The following ATXN7 variants were observed in gnomAD, a reference collection of about 807,000 sequenced individuals.
ATXN7 encodes ataxin-7.
ATXN7 carries 12 observed loss-of-function variants against 70.5 expected under a neutral mutation model. The ratio of observed to expected loss-of-function variants is 0.17; its 90% CI spans 0.11 to 0.28. The LOEUF is 0.28. ATXN7 is among the 10% of genes least tolerant of loss of function. The pLI, the probability that ATXN7 is intolerant of heterozygous loss-of-function variation, is 1.00. For missense variants in ATXN7, 1,256 were observed against 1,131.7 expected, an observed-to-expected ratio of 1.11 and a Z score of -1.58; for synonymous variants, 498 against 448.7, an observed-to-expected ratio of 1.11 and a Z score of -1.39.
chr3:63,990,598 C>A, intron 10 of ATXN7, 140 bp from the exon 11 acceptor site: 1 of 1,370,526 alleles, frequency 7.3e-7, no homozygotes, highest in Non-Finnish European at 1.0e-6. Context: ...TAGGCATTGT[C>A]ACTCTCATGC....
upstream of ATXN7, chr3:63,863,363 C>A: frequency 1.2e-6 from 1 of 848,144 alleles, no homozygotes; most frequent in Non-Finnish European, 1.4e-6. Flanking sequence ...GCACCACTGT[C>A]CACCCTTCGC....
chr3:63,940,485 T>C (rs183786571), intron 4 of ATXN7, among the ~76,000 whole-genome samples: 1 of 152,298 alleles, frequency 6.6e-6, no homozygotes, highest in East Asian at 1.9e-4. Flanking sequence ...CTGACAGATG[T>C]GGTGTTGCAA....
At chr3:63,900,438 C>T (rs1575865744) in intron 2 of ATXN7, 2 of 152,232 alleles carry the variant, frequency 1.3e-5, no homozygotes, top group South Asian at 4.1e-4. Flanking sequence ...GAAGTCTCCA[C>T]CTTAAAAACA....
chr3:63,869,056 A>G lies in ATXN7; in HGVS notation c.-111+4898A>G, dbSNP rs572518665. 2.0e-5 allele frequency among the ~76,000 whole-genome samples: 3 copies of G among 152,350 alleles called. No homozygotes were observed. In the East Asian group the frequency reaches 5.8e-4, roughly 29 times the overall value. ...AGAAAGTGTGAGATACGTAAATAAA[A>G]TACTGTATAATGCTTATGGCCATAA... is the stretch of plus-strand genomic sequence containing the variant. On this transcript the variant is annotated intron_variant, in intron 1 of 12. Coordinates refer to ENST00000674280, the MANE Select transcript of ATXN7 (RefSeq NM_001377405.1).
At chr3:63,940,194 C>T (rs1038540951) in intron 4 of ATXN7, among the ~76,000 whole-genome samples, 1 of 151,816 alleles carries the variant, frequency 6.6e-6, no homozygotes, top group African/African-American at 2.4e-5. Context: ...CTAATCTCAC[C>T]TCTTGCTAAC....
intron 5 of ATXN7, among the ~76,000 whole-genome samples, chr3:63,971,388 T>G (rs1411354661): frequency 1.3e-5 from 2 of 152,226 alleles, no homozygotes; most frequent in South Asian, 2.1e-4. Flanking sequence ...CTCTCTGGAA[T>G]AGTTTCATCA....
intron 1 of ATXN7, among the ~76,000 whole-genome samples, chr3:63,867,752 G>A (rs551656351): frequency 3.9e-5 from 6 of 152,062 alleles, no homozygotes; most frequent in South Asian, 4.1e-4. Flanking sequence ...TTATCTAGGC[G>A]TGGTGGTGTG....
At chr3:63,961,194 T>TA (rs927359691) in intron 5 of ATXN7, among the ~76,000 whole-genome samples, 3 of 151,948 alleles carry the variant, frequency 2.0e-5, no homozygotes, top group Non-Finnish European at 2.9e-5. Flanking sequence ...TCCCCTCACA[T>TA]AAAAAAAAGT....
At chr3:63,917,736 C>A (rs143291960) in intron 4 of ATXN7, among the ~76,000 whole-genome samples, 1 of 152,174 alleles carries the variant, frequency 6.6e-6, no homozygotes, top group African/African-American at 2.4e-5. Flanking sequence ...ATATTCAGCT[C>A]CTGCACACCA....
intron 11 of ATXN7, among the ~76,000 whole-genome samples, chr3:63,992,645 TA>T (rs1559661196): frequency 1.3e-5 from 2 of 152,202 alleles, no homozygotes; most frequent in African/African-American, 4.8e-5. Flanking sequence ...GTGAACTTTT[TA>T]AAAAGTAAGA....
intron 2 of ATXN7, among the ~76,000 whole-genome samples, chr3:63,899,666 T>TGCAGA (rs1233955481): frequency 3.9e-5 from 6 of 151,908 alleles, no homozygotes; most frequent in African/African-American, 4.8e-5. Flanking sequence ...CAGGCTGGAG[T>TGCAGA]GCAGTGGCGC....
At chr3:63,946,951 ATACC>A (rs1239936563) in intron 4 of ATXN7, among the ~76,000 whole-genome samples, 1 of 152,144 alleles carries the variant, frequency 6.6e-6, no homozygotes, top group African/African-American at 2.4e-5. Context: ...TAGAGGCCCC[ATACC>A]TTGACCTTGG....
At chr3:63,920,079 G>T (rs1195025551) in intron 4 of ATXN7, among the ~76,000 whole-genome samples, 1 of 152,068 alleles carries the variant, frequency 6.6e-6, no homozygotes, top group Non-Finnish European at 1.5e-5. Flanking sequence ...GATTGGAGAA[G>T]AAGGCAGACG....
At chr3:63,888,389 C>G (rs767821678) in intron 1 of ATXN7, among the ~76,000 whole-genome samples, 5 of 152,178 alleles carry the variant, frequency 3.3e-5, no homozygotes, top group Admixed American at 6.5e-5. Flanking sequence ...AGGACATTGA[C>G]ATTGGCTTAA....
intron 1 of ATXN7, among the ~76,000 whole-genome samples, chr3:63,889,282 TTTATACCAAATAA>T (rs1645957906): frequency 6.6e-6 from 1 of 152,210 alleles, no homozygotes; most frequent in African/African-American, 2.4e-5. Flanking sequence ...AGTCCCAATG[TTTATACCAAATAA>T]AGTAACTGAC....
chr3:63,900,489 T>C (rs1279298290), intron 2 of ATXN7: 1 of 152,268 alleles, frequency 6.6e-6, no homozygotes, highest in Non-Finnish European at 1.5e-5. Flanking sequence ...AGGGCCATAA[T>C]GCAGAGATGT....
At chr3:63,874,838 C>T (rs142551597) in intron 1 of ATXN7, among the ~76,000 whole-genome samples, 51 of 152,268 alleles carry the variant, frequency 3.3e-4, no homozygotes, top group Middle Eastern at 3.4e-3. Flanking sequence ...AACAAGATAC[C>T]ATAAACTGGG....
intron 4 of ATXN7, among the ~76,000 whole-genome samples, chr3:63,921,739 A>G (rs1046567961): frequency 2.6e-5 from 4 of 152,310 alleles, no homozygotes; most frequent in East Asian, 3.9e-4. Flanking sequence ...TAGGTGAGCA[A>G]TTTGAAGGAA....
At chr3:63,965,299 G>A (rs1431672808) in intron 5 of ATXN7, among the ~76,000 whole-genome samples, 1 of 152,156 alleles carries the variant, frequency 6.6e-6, no homozygotes, top group Non-Finnish European at 1.5e-5. Flanking sequence ...GGAGGAGGCA[G>A]TATCAGTCCT....
Sources: gnomAD v4.1 joint callset for allele counts (sites outside exome capture counted in the v4.1 genomes callset) on GRCh38, gnomAD v4.1.1 for gene constraint, MANE v1.5 for transcripts, NCBI Gene and HGNC (gene_info 2026-07-23, HGNC 2026-07-21) for gene names.